TENM3: variants seen among roughly 807,000 people sequenced by gnomAD.
TENM3 encodes the protein teneurin transmembrane protein 3.
A neutral mutation model predicts 255.1 loss-of-function variants in TENM3; 63 were observed. That is an observed-to-expected ratio of 0.25 (90% confidence interval 0.20 to 0.30). The LOEUF (loss-of-function observed/expected upper bound fraction) is 0.30, where lower values mean the gene tolerates loss of function less well. TENM3 is among the 10% of genes least tolerant of loss of function. TENM3 has a pLI of 1.00. For synonymous variants in TENM3, 1,306 were observed against 1,322.3 expected (o/e 0.99, Z 0.27); for missense variants, 2,929 against 3,461.1 (o/e 0.85, Z 3.86).
chr4:181,951,738 A>G, the TENM3 span, among the ~76,000 whole-genome samples: 1 of 152,338 alleles, frequency 6.6e-6, no homozygotes, highest in East Asian at 1.9e-4. Context: ...TTTCTCATCA[A>G]ACTGGTACAT....
chr4:181,568,425 C>T, the TENM3 span, among the ~76,000 whole-genome samples: 2 of 152,046 alleles, frequency 1.3e-5, no homozygotes, highest in East Asian at 3.9e-4. Flanking sequence ...TTCCTGACCT[C>T]AGATGATCCA....
intron 1 of TENM3, among the ~76,000 whole-genome samples, chr4:182,216,257 G>A (rs1173540012): frequency 6.6e-6 from 1 of 152,192 alleles, no homozygotes; most frequent in Non-Finnish European, 1.5e-5. Context: ...ACATCTCCTG[G>A]TGGTTTTCTT....
At chr4:181,648,852 A>G in the TENM3 span, among the ~76,000 whole-genome samples, 1 of 152,174 alleles carries the variant, frequency 6.6e-6, no homozygotes, top group African/African-American at 2.4e-5. Context: ...ATCCTGCAAC[A>G]TTCCAGGCCT....
the TENM3 span, among the ~76,000 whole-genome samples, chr4:181,663,719 T>A: frequency 6.6e-6 from 1 of 152,110 alleles, no homozygotes; most frequent in Admixed American, 6.5e-5. Context: ...AGGCAAGGAA[T>A]GAGGGGTGGA....
intron 5 of TENM3, among the ~76,000 whole-genome samples, chr4:182,651,485 G>A (rs902832860): frequency 1.3e-5 from 2 of 152,104 alleles, no homozygotes; most frequent in Admixed American, 1.3e-4. Context: ...GAGTTCAGGA[G>A]TTCGAGAACA....
chr4:182,516,093 C>G (rs557113232), intron 3 of TENM3, among the ~76,000 whole-genome samples: 22 of 152,320 alleles, frequency 1.4e-4, no homozygotes, highest in African/African-American at 5.3e-4. Flanking sequence ...AGCTGTGACC[C>G]TAGGCAGAGA....
At chr4:181,648,476 C>G in the TENM3 span, among the ~76,000 whole-genome samples, 4 of 152,094 alleles carry the variant, frequency 2.6e-5, no homozygotes, top group Admixed American at 6.5e-5. Context: ...ACAACAACAA[C>G]AAGCAACAAA....
At chr4:181,613,377 C>T in the TENM3 span, among the ~76,000 whole-genome samples, 3 of 152,320 alleles carry the variant, frequency 2.0e-5, no homozygotes, top group East Asian at 5.8e-4. Context: ...CCACCAGCTG[C>T]GGGAATGTAG....
chr4:182,464,689 TAAA>T (rs1303974924), intron 3 of TENM3, among the ~76,000 whole-genome samples: 1 of 152,218 alleles, frequency 6.6e-6, no homozygotes, highest in Non-Finnish European at 1.5e-5. Flanking sequence ...AGTTACAAAA[TAAA>T]AATTTTTAGG....
intron 25 of TENM3, among the ~76,000 whole-genome samples, chr4:182,791,776 C>T (rs72997199): frequency 0.13 from 19,517 of 152,030 alleles, 1,576 homozygotes; most frequent in South Asian, 0.25. Flanking sequence ...TGTCTTTATA[C>T]AATAATATTG....
the TENM3 span, among the ~76,000 whole-genome samples, chr4:181,667,053 A>G: frequency 6.6e-6 from 1 of 152,182 alleles, no homozygotes; most frequent in East Asian, 1.9e-4. Context: ...CAATCTTGTA[A>G]TGTACATTCT....
the TENM3 span, among the ~76,000 whole-genome samples, chr4:181,516,673 G>A: frequency 3.9e-5 from 6 of 152,120 alleles, no homozygotes; most frequent in Non-Finnish European, 8.8e-5. Context: ...CTACTCGGGC[G>A]GCTGAGGCAG....
intron 1 of TENM3, among the ~76,000 whole-genome samples, chr4:182,234,748 GAAAA>G (rs947919165): frequency 1.3e-5 from 2 of 150,430 alleles, no homozygotes. Context: ...AAAGAAAGAA[GAAAA>G]AAAAATGAAA....
chr4:181,545,086 G>A, the TENM3 span, among the ~76,000 whole-genome samples: 1 of 152,210 alleles, frequency 6.6e-6, no homozygotes, highest in South Asian at 2.1e-4. Context: ...AAGTACATCA[G>A]TGACACACAC....
the TENM3 span, among the ~76,000 whole-genome samples, chr4:181,558,279 A>G: frequency 2.6e-5 from 4 of 152,206 alleles, no homozygotes; most frequent in African/African-American, 9.7e-5. Flanking sequence ...GGACAAAAAT[A>G]TAGATTTGAA....
the TENM3 span, among the ~76,000 whole-genome samples, chr4:182,056,256 ATTTG>A: frequency 6.6e-6 from 1 of 152,128 alleles, no homozygotes; most frequent in African/African-American, 2.4e-5. Context: ...CTCAATTCCA[ATTTG>A]TTTGTTTTTA....
At chr4:181,522,823 A>C in the TENM3 span, 4 of 909,024 alleles carry the variant, frequency 4.4e-6, no homozygotes, top group African/African-American at 6.5e-5. Context: ...GTTGATAGAA[A>C]TGCACCTGAA....
At chr4:182,640,638 A>G (rs1752222718) in intron 5 of TENM3, among the ~76,000 whole-genome samples, 1 of 152,190 alleles carries the variant, frequency 6.6e-6, no homozygotes, top group African/African-American at 2.4e-5. Context: ...GTTTAAAATA[A>G]GAAAGTGGGC....
chr4:182,183,118 T>C (rs1032691642), intron 1 of TENM3, among the ~76,000 whole-genome samples: 14 of 152,210 alleles, frequency 9.2e-5, no homozygotes, highest in African/African-American at 2.7e-4. Flanking sequence ...AGTTAATTTA[T>C]ATTAGCAACT....
Sources: allele counts gnomAD v4.1 joint callset (sites outside exome capture counted in the v4.1 genomes callset), GRCh38; gene constraint gnomAD v4.1.1; transcripts MANE v1.5; gene names NCBI Gene and HGNC (gene_info 2026-07-23, HGNC 2026-07-21).